Variants in CHLSN observed in about 807,000 individuals in gnomAD.
CHLSN encodes the protein protein cholesin.
chr7:1,107,811 G>C, the CHLSN span, among the ~76,000 whole-genome samples: 1 of 151,768 alleles, frequency 6.6e-6, no homozygotes, highest in South Asian at 2.1e-4. Flanking sequence ...GGAGGAAGCA[G>C]AGGAGGGCTG....
At chr7:1,092,387 C>T in the CHLSN span, 268 of 1,593,624 alleles carry the variant, frequency 1.7e-4, no homozygotes, top group Non-Finnish European at 2.0e-4. Flanking sequence ...CTCGAGGTCA[C>T]GCTGGGCTTC....
chr7:984,335 A>C, the CHLSN span: 1 of 1,496,554 alleles, frequency 6.7e-7, no homozygotes, highest in Non-Finnish European at 8.9e-7. Flanking sequence ...CCTACCCAGC[A>C]CAGGCCCGGC....
the CHLSN span, among the ~76,000 whole-genome samples, chr7:1,009,224 C>A: frequency 3.9e-5 from 6 of 152,194 alleles, no homozygotes; most frequent in Non-Finnish European, 8.8e-5. Flanking sequence ...CCACAGGACA[C>A]CCTGCCCCTC....
the CHLSN span, among the ~76,000 whole-genome samples, chr7:1,120,356 A>G: frequency 6.6e-6 from 1 of 152,098 alleles, no homozygotes; most frequent in African/African-American, 2.4e-5. Flanking sequence ...CCCAGGCTGG[A>G]GTACAGTGGT....
chr7:1,020,635 G>C, the CHLSN span, among the ~76,000 whole-genome samples: 1 of 152,216 alleles, frequency 6.6e-6, no homozygotes, highest in Non-Finnish European at 1.5e-5. Flanking sequence ...ATGAATGACA[G>C]TAAACCCAGC....
chr7:1,054,919 G>C, the CHLSN span, among the ~76,000 whole-genome samples: 1 of 152,236 alleles, frequency 6.6e-6, no homozygotes, highest in Non-Finnish European at 1.5e-5. Flanking sequence ...CCAGGCCTTC[G>C]CTCGACAGTA....
the CHLSN span, among the ~76,000 whole-genome samples, chr7:1,015,569 A>C: frequency 6.6e-6 from 1 of 151,752 alleles, no homozygotes; most frequent in African/African-American, 2.4e-5. Context: ...TCACCTAAGA[A>C]AGGAGGGCAG....
At chr7:1,052,223 C>A in the CHLSN span, among the ~76,000 whole-genome samples, 27 of 152,380 alleles carry the variant, frequency 1.8e-4, no homozygotes, top group African/African-American at 5.8e-4. This position sits in a 1 kb window ranked among gnomAD's most constrained non-coding sequence, Gnocchi z 4.2. Context: ...GGGTGAGGAG[C>A]CTCTGAGCAG....
the CHLSN span, among the ~76,000 whole-genome samples, chr7:1,050,436 G>C: frequency 3.3e-5 from 5 of 152,244 alleles, no homozygotes; most frequent in East Asian, 9.6e-4. Context: ...GCCAACCAAG[G>C]ATCCTGTCCC....
At chr7:1,108,699 G>A in the CHLSN span, among the ~76,000 whole-genome samples, 8 of 152,108 alleles carry the variant, frequency 5.3e-5, no homozygotes, top group East Asian at 5.8e-4. Context: ...ACTCTCTGCC[G>A]CCTGAGTGTC....
At chr7:1,019,463 G>A in the CHLSN span, among the ~76,000 whole-genome samples, 6 of 152,234 alleles carry the variant, frequency 3.9e-5, no homozygotes, top group African/African-American at 1.4e-4. Context: ...CTGGCACCGT[G>A]AGGAGGCTGG....
the CHLSN span, among the ~76,000 whole-genome samples, chr7:995,777 C>T: frequency 6.6e-6 from 1 of 152,262 alleles, no homozygotes; most frequent in Admixed American, 6.5e-5. Context: ...AGGGGCTGGA[C>T]TCCTCGCCTG....
the CHLSN span, chr7:986,981 G>T: frequency 7.3e-7 from 1 of 1,365,174 alleles, no homozygotes; most frequent in Non-Finnish European, 9.6e-7. Context: ...CTGCCTCGGG[G>T]ACGCTGAGGG....
chr7:1,073,768 TC>T, the CHLSN span, among the ~76,000 whole-genome samples: 23 of 65,412 alleles, frequency 3.5e-4, no homozygotes, highest in African/African-American at 9.0e-4. Context: ...CTGCCGTCAC[TC>T]CCCACGACCC....
At chr7:988,894 C>T in the CHLSN span, 1 of 971,244 alleles carries the variant, frequency 1.0e-6, no homozygotes, top group South Asian at 1.6e-5. Context: ...CTCTCTCCTC[C>T]CACCCCACAG....
the CHLSN span, among the ~76,000 whole-genome samples, chr7:1,114,207 G>A: frequency 6.6e-6 from 1 of 152,184 alleles, no homozygotes; most frequent in African/African-American, 2.4e-5. Context: ...TACAAGGGCC[G>A]GGCTGTTCCT....
At chr7:1,017,599 C>T in the CHLSN span, among the ~76,000 whole-genome samples, 12 of 152,190 alleles carry the variant, frequency 7.9e-5, no homozygotes, top group African/African-American at 2.9e-4. Context: ...GACAGCTACA[C>T]ACCCTCCTGC....
At chr7:987,105 AG>A in the CHLSN span, 1 of 1,541,480 alleles carries the variant, frequency 6.5e-7, no homozygotes, top group Non-Finnish European at 8.8e-7. Context: ...ACGCCTCTGC[AG>A]GGGGATGACC....
the CHLSN span, among the ~76,000 whole-genome samples, chr7:1,004,779 C>A: frequency 1.3e-5 from 2 of 152,248 alleles, no homozygotes; most frequent in Non-Finnish European, 2.9e-5. Flanking sequence ...TCCTCTTTCT[C>A]TCTGCCTAGG....
Sources: allele counts gnomAD v4.1 joint callset (sites outside exome capture counted in the v4.1 genomes callset), GRCh38; gene constraint gnomAD v4.1.1; non-coding constraint Gnocchi (gnomAD v3.1); transcripts MANE v1.5; gene names NCBI Gene and HGNC (gene_info 2026-07-23, HGNC 2026-07-21).